Variants in PIP5K1B observed in about 807,000 individuals in gnomAD.
PIP5K1B encodes phosphatidylinositol-4-phosphate 5-kinase type 1 beta.
A neutral mutation model predicts 67.0 loss-of-function variants in PIP5K1B; 42 were observed. The observed-to-expected ratio is 0.63, with a 90% confidence interval of 0.49 to 0.81. The LOEUF (loss-of-function observed/expected upper bound fraction) is 0.81. Among genes scored for constraint, PIP5K1B ranks in the 30% least tolerant of loss-of-function variants. The pLI, the probability that PIP5K1B is intolerant of heterozygous loss-of-function variation, is 0.00. For synonymous variants in PIP5K1B, 214 were observed against 231.4 expected (o/e 0.92, Z 0.68); for missense variants, 459 against 646.3 (o/e 0.71, Z 3.14).
chr9:68,815,775 G>C (rs1446013421), intron 2 of PIP5K1B, among the ~76,000 whole-genome samples: 1 of 151,974 alleles, frequency 6.6e-6, no homozygotes, highest in Admixed American at 6.5e-5. Context: ...ATGCTTTTAA[G>C]AAGATTAAGA....
intron 5 of PIP5K1B, among the ~76,000 whole-genome samples, chr9:68,868,881 C>T (rs1823485921): frequency 6.6e-6 from 1 of 152,182 alleles, no homozygotes; most frequent in Non-Finnish European, 1.5e-5. Flanking sequence ...ACAGACTGCC[C>T]TTGGGTTTGA....
At chr9:68,745,198 G>A (rs1258657157) in intron 2 of PIP5K1B, among the ~76,000 whole-genome samples, 1 of 152,208 alleles carries the variant, frequency 6.6e-6, no homozygotes, top group East Asian at 1.9e-4. Flanking sequence ...CCCCTCATGA[G>A]GCTGGAAGGG....
At chr9:68,825,560 C>T (rs902699319) in intron 4 of PIP5K1B, among the ~76,000 whole-genome samples, 5 of 152,204 alleles carry the variant, frequency 3.3e-5, no homozygotes, top group Admixed American at 2.0e-4. Context: ...AATTTCTTTC[C>T]CAGTCCTGAA....
In PIP5K1B at chr9:68,814,027, C is replaced by T. The variant is rs565541787; in HGVS notation, c.-85-4434C>T. Among the ~76,000 whole-genome samples, 33 of 152,288 alleles carry T rather than the reference C, an allele frequency of 2.2e-4. 1 individual carries two copies. In the South Asian group the frequency reaches 5.2e-3, roughly 24 times the overall value. On this transcript the variant is annotated intron_variant, in intron 2 of 15. Transcript: ENST00000265382. The stretch of plus-strand genomic sequence containing the variant: ...GAAGGCGCACAAAATGAAAGTCCCA[C>T]GCAAGACACACAAAGCCTGGGCCAC...
intron 4 of PIP5K1B, chr9:68,824,201 T>C (rs1265426533): frequency 1.9e-6 from 1 of 518,896 alleles, no homozygotes; most frequent in African/African-American, 1.9e-5. Context: ...CTGTTATTAC[T>C]TCAGATCAGT....
chr9:68,865,666 G>A (rs1047706662), intron 5 of PIP5K1B, among the ~76,000 whole-genome samples: 9 of 152,100 alleles, frequency 5.9e-5, no homozygotes, highest in African/African-American at 1.9e-4. Context: ...AACCATTGAC[G>A]GGCACTTGGG....
chr9:68,819,833 T>C (rs1833642915), intron 3 of PIP5K1B, among the ~76,000 whole-genome samples: 1 of 152,154 alleles, frequency 6.6e-6, no homozygotes, highest in Non-Finnish European at 1.5e-5. Flanking sequence ...ACAGGAAAAA[T>C]AAATGAATAA....
chr9:68,749,260 G>A (rs1829493687), intron 2 of PIP5K1B, among the ~76,000 whole-genome samples: 1 of 152,198 alleles, frequency 6.6e-6, no homozygotes, highest in Admixed American at 6.5e-5. Context: ...AAGAGGCAGA[G>A]GGGAACAGAG....
At chr9:68,908,298 G>A (rs1825707933) in intron 8 of PIP5K1B, among the ~76,000 whole-genome samples, 1 of 151,774 alleles carries the variant, frequency 6.6e-6, no homozygotes, top group South Asian at 2.1e-4. Context: ...TGTTTATAAA[G>A]AAAACAAACC....
At chr9:68,994,980 A>T (rs1587778575) in intron 15 of PIP5K1B, among the ~76,000 whole-genome samples, 1 of 32,548 alleles carries the variant, frequency 3.1e-5, no homozygotes, top group Non-Finnish European at 1.1e-4. Flanking sequence ...TACAAAAATT[A>T]AAAAAAAAAA....
chr9:68,820,223 C>T (rs1587502353), intron 3 of PIP5K1B, among the ~76,000 whole-genome samples: 2 of 152,198 alleles, frequency 1.3e-5, no homozygotes, highest in Non-Finnish European at 2.9e-5. Context: ...TACCCTGAGC[C>T]TGATACATAA....
chr9:68,973,011 G>A (rs1012178799), intron 14 of PIP5K1B, among the ~76,000 whole-genome samples: 2 of 152,188 alleles, frequency 1.3e-5, no homozygotes, highest in Non-Finnish European at 2.9e-5. Flanking sequence ...CATCAACCCT[G>A]TTGTAAATAA....
chr9:68,719,507 T>A (rs1321627276), intron 1 of PIP5K1B, among the ~76,000 whole-genome samples: 3 of 152,244 alleles, frequency 2.0e-5, no homozygotes, highest in African/African-American at 7.2e-5. Context: ...TTCTGAGGTT[T>A]ACGACTGCAT....
Position 68,836,381 on chromosome 9 carries a change from G to A in PIP5K1B, c.69+13698G>A, listed in dbSNP as rs148253058. The stretch of plus-strand genomic sequence containing the variant: ...TGTAAATACAAAAGAGATTTAAAGC[G>A]GTAAAGTTTCATTTGAGAACAAAAT... On this transcript the variant is annotated intron_variant, in intron 4 of 15. Transcript: ENST00000265382. 6.5e-3 allele frequency among the ~76,000 whole-genome samples: 983 copies of A among 152,168 alleles called. 11 individuals are homozygous for A. The highest frequency in any genetic ancestry group is 0.023 in the African/African-American group (945 of 41,498).
chr9:68,869,829 T>C (rs1409474683), intron 5 of PIP5K1B, among the ~76,000 whole-genome samples: 1 of 151,954 alleles, frequency 6.6e-6, no homozygotes, highest in African/African-American at 2.4e-5. Context: ...TTAATAAAAA[T>C]AAAAATAAAT....
chr9:68,901,978 A>G (rs1272416299), intron 8 of PIP5K1B, among the ~76,000 whole-genome samples: 1 of 152,254 alleles, frequency 6.6e-6, no homozygotes. Context: ...GCAATAACAC[A>G]GAGAGATATC....
At chr9:68,786,763 G>C (rs756726597) in intron 2 of PIP5K1B, among the ~76,000 whole-genome samples, 3 of 152,108 alleles carry the variant, frequency 2.0e-5, no homozygotes, top group Non-Finnish European at 4.4e-5. Flanking sequence ...AGAACGAAAA[G>C]GGACTGGTAG....
intron 4 of PIP5K1B, among the ~76,000 whole-genome samples, chr9:68,838,058 T>C (rs1564173973): frequency 1.3e-5 from 2 of 151,958 alleles, no homozygotes; most frequent in Non-Finnish European, 2.9e-5. Flanking sequence ...TTTTTTGTTA[T>C]TAATGTTTTG....
At chr9:68,908,804 T>A (rs890022542) in intron 8 of PIP5K1B, among the ~76,000 whole-genome samples, 27 of 152,170 alleles carry the variant, frequency 1.8e-4, no homozygotes, top group Non-Finnish European at 7.4e-5. Context: ...TTGCATAAAA[T>A]CTCCAGGACA....
Sources: allele counts gnomAD v4.1 joint callset (sites outside exome capture counted in the v4.1 genomes callset), GRCh38; gene constraint gnomAD v4.1.1; transcripts MANE v1.5; gene names NCBI Gene and HGNC (gene_info 2026-07-23, HGNC 2026-07-21).